Variants in PDGFRL observed in about 807,000 individuals in gnomAD.
PDGFRL encodes platelet-derived growth factor receptor-like protein.
Under a neutral mutation model 37.2 loss-of-function variants are expected in PDGFRL, and 46 were observed. The observed-to-expected ratio is 1.24, with a 90% CI of 0.98 to 1.58. The LOEUF is 1.58. PDGFRL is among the 40% of genes most tolerant of loss of function. The pLI is 0.00. For synonymous variants in PDGFRL, 251 were observed against 184.3 expected, an observed-to-expected ratio of 1.36 and a Z score of -2.93; for missense variants, 692 against 467.6, an observed-to-expected ratio of 1.48 and a Z score of -4.43.
intron 2 of PDGFRL, among the ~76,000 whole-genome samples, chr8:17,595,665 C>A (rs1174819049): frequency 1.3e-5 from 2 of 152,148 alleles, no homozygotes; most frequent in African/African-American, 4.8e-5. Flanking sequence ...CCTCCACCTT[C>A]CCTACTACCC....
chr8:17,606,899 T>TTTTG (rs1804292931), intron 2 of PDGFRL, among the ~76,000 whole-genome samples: 1 of 73,398 alleles, frequency 1.4e-5, no homozygotes, highest in African/African-American at 4.2e-5. Flanking sequence ...TTTTTGTTTT[T>TTTTG]TTTTTTTTTT....
At chr8:17,590,950 T>C (rs1238782285) in intron 2 of PDGFRL, among the ~76,000 whole-genome samples, 2 of 150,128 alleles carry the variant, frequency 1.3e-5, no homozygotes, top group African/African-American at 4.9e-5. Context: ...TGGTGCCATC[T>C]TGGCTCACTA....
intron 2 of PDGFRL, among the ~76,000 whole-genome samples, chr8:17,597,544 A>G (rs2517163): frequency 0.82 from 118,847 of 145,058 alleles, 50,936 homozygotes; most frequent in Non-Finnish European, 0.96. Flanking sequence ...GAAAAATGCA[A>G]TATACATTTT....
At chr8:17,636,519 TA>T (rs1804972660) in intron 5 of PDGFRL, among the ~76,000 whole-genome samples, 1 of 152,060 alleles carries the variant, frequency 6.6e-6, no homozygotes, top group Non-Finnish European at 1.5e-5. Flanking sequence ...TATGGCCTTA[TA>T]GTATAGTTTG....
intron 2 of PDGFRL, among the ~76,000 whole-genome samples, chr8:17,609,616 T>A (rs1176850018): frequency 1.9e-5 from 2 of 108,024 alleles, no homozygotes; most frequent in East Asian, 5.9e-4. Context: ...CCAGCCTGGG[T>A]GACAGAGTGA....
chr8:17,625,316 GA>G (rs1804711962), intron 3 of PDGFRL, among the ~76,000 whole-genome samples: 2 of 151,978 alleles, frequency 1.3e-5, no homozygotes, highest in Admixed American at 6.6e-5. Context: ...AGTGCCCAAC[GA>G]ATCTTTGTAT....
At chr8:17,638,786 T>TATATATATATATATATATATAA (rs751775328) in intron 5 of PDGFRL, among the ~76,000 whole-genome samples, 3 of 102,844 alleles carry the variant, frequency 2.9e-5, no homozygotes, top group Admixed American at 1.1e-4. Flanking sequence ...TATATATATA[T>TATATATATATATATATATATAA]AATTGTGATA....
intron 2 of PDGFRL, among the ~76,000 whole-genome samples, chr8:17,603,385 C>A (rs1047546938): frequency 2.0e-5 from 3 of 152,184 alleles, no homozygotes; most frequent in Non-Finnish European, 4.4e-5. Context: ...CTGGGTCTTT[C>A]AGGAGCAGTG....
upstream of PDGFRL, chr8:17,577,035 A>T: frequency 1.6e-6 from 1 of 614,164 alleles, no homozygotes. Flanking sequence ...AGTGCTGCGC[A>T]CCGCGGCTCC....
In PDGFRL at chr8:17,634,150, C is replaced by G; in HGVS notation, c.876C>G (p.Leu292=). 2 of 1,612,882 alleles carry G rather than the reference C, an allele frequency of 1.2e-6. No homozygotes were observed. Among genetic ancestry groups the G allele is most frequent in the African/African-American group, 1.3e-5 (1 of 75,022 alleles). The change falls in exon 5 of 6, where the codon CTC becomes CTG. Residue 292 remains leucine (L), a synonymous_variant. Transcript: ENST00000251630. The stretch of plus-strand genomic sequence containing the variant: ...AAAGTGGGGACGACATCAGTGTGCT[C>G]TGCACTGTCCTGGGGGAGCCCGATG... ...KVKSGDDISV[L]CTVLGEPDVE...
At chr8:17,622,715 T>C (rs1804657811) in intron 3 of PDGFRL, among the ~76,000 whole-genome samples, 2 of 152,296 alleles carry the variant, frequency 1.3e-5, no homozygotes, top group South Asian at 4.1e-4. Context: ...AGGAAAGCTC[T>C]CAGCAAAAAG....
chr8:17,579,681 A>G (rs2150805905), intron 1 of PDGFRL, among the ~76,000 whole-genome samples: 1 of 152,050 alleles, frequency 6.6e-6, no homozygotes, highest in South Asian at 2.1e-4. Flanking sequence ...AACTAGCCAA[A>G]GACAGCCTTC....
In PDGFRL at chr8:17,612,155, A is replaced by T. The variant is rs1398152093; in HGVS notation, c.354-8896A>T. 6.4e-4 allele frequency among the ~76,000 whole-genome samples: 97 copies of T among 152,210 alleles called. 1 individual carries two copies. Among genetic ancestry groups the T allele is most frequent in the Non-Finnish European group, 8.8e-5 (6 of 68,040 alleles). On this transcript the variant is annotated intron_variant, in intron 2 of 5. Coordinates refer to ENST00000251630, the MANE Select transcript of PDGFRL (RefSeq NM_001372073.1). Reference sequence around the variant, plus strand: ...ACAGTAGTTTTAGGCCTCTAAAGGAATTCTTGGTGGCCCTGCCTGTTGGAA... The same window carrying T: ...ACAGTAGTTTTAGGCCTCTAAAGGATTTCTTGGTGGCCCTGCCTGTTGGAA...
chr8:17,576,550 C>T (rs921399937), upstream of PDGFRL: 24 of 167,028 alleles, frequency 1.4e-4, no homozygotes, highest in Non-Finnish European at 2.8e-4. Flanking sequence ...CTGCTGTTCT[C>T]CTGCTCATAC....
intron 2 of PDGFRL, among the ~76,000 whole-genome samples, chr8:17,603,270 A>G (rs1327615754): frequency 1.3e-5 from 2 of 152,194 alleles, no homozygotes; most frequent in Non-Finnish European, 2.9e-5. Flanking sequence ...TACAAGCATG[A>G]GCCACCACGC....
chr8:17,580,690 A>G (rs894191840), intron 1 of PDGFRL, among the ~76,000 whole-genome samples: 2 of 152,242 alleles, frequency 1.3e-5, no homozygotes, highest in African/African-American at 4.8e-5. Flanking sequence ...TAGGGCTGCC[A>G]TAACAAAGTA....
At chr8:17,590,818 T>C (rs1301901145) in intron 2 of PDGFRL, among the ~76,000 whole-genome samples, 2 of 152,148 alleles carry the variant, frequency 1.3e-5, no homozygotes, top group Non-Finnish European at 2.9e-5. Context: ...AGGAGATTTC[T>C]GTGAGCAACT....
intron 2 of PDGFRL, among the ~76,000 whole-genome samples, chr8:17,620,271 T>C (rs1199977298): frequency 6.6e-6 from 1 of 152,218 alleles, no homozygotes; most frequent in Admixed American, 6.5e-5. Flanking sequence ...ATTCTTTTTT[T>C]TGAAATTTAT....
At chr8:17,631,009 T>C (rs190045349) in intron 4 of PDGFRL, among the ~76,000 whole-genome samples, 249 of 152,190 alleles carry the variant, frequency 1.6e-3, no homozygotes, top group African/African-American at 5.7e-3. Context: ...CACCAGAACA[T>C]ACAGTGGAGA....
Sources: allele counts gnomAD v4.1 joint callset (sites outside exome capture counted in the v4.1 genomes callset), GRCh38; gene constraint gnomAD v4.1.1; transcripts MANE v1.5; gene names NCBI Gene and HGNC (gene_info 2026-07-23, HGNC 2026-07-21).